Variants in PTPRK observed in about 807,000 individuals in gnomAD.
PTPRK encodes the protein receptor-type tyrosine-protein phosphatase kappa.
Under a neutral mutation model 178.0 loss-of-function variants are expected in PTPRK, and 75 were observed. That is an observed-to-expected ratio of 0.42 (90% CI 0.35 to 0.51). PTPRK has a LOEUF of 0.51. PTPRK is among the 20% of genes least tolerant of loss of function. The pLI, the probability that PTPRK is intolerant of heterozygous loss-of-function variation, is 0.02. For synonymous variants in PTPRK, 637 were observed against 620.6 expected (o/e 1.03, Z -0.39); for missense variants, 1,441 against 1,797.8 (o/e 0.80, Z 3.59).
intron 15 of PTPRK, chr6:128,003,317 T>G: frequency 8.1e-7 from 1 of 1,235,278 alleles, no homozygotes; most frequent in Non-Finnish European, 1.1e-6. Flanking sequence ...GATTTATGCT[T>G]TCTTAAGAAA....
At chr6:128,222,189 C>T (rs1344188652) in intron 5 of PTPRK, among the ~76,000 whole-genome samples, 2 of 152,218 alleles carry the variant, frequency 1.3e-5, no homozygotes, top group African/African-American at 4.8e-5. Flanking sequence ...AAACCCTTCT[C>T]TTGTGAAGAG....
At chr6:128,425,979 A>G (rs1844088593) in intron 1 of PTPRK, among the ~76,000 whole-genome samples, 1 of 152,248 alleles carries the variant, frequency 6.6e-6, no homozygotes, top group African/African-American at 2.4e-5. Flanking sequence ...AAGACTGCTC[A>G]GAATCTTTAA....
In PTPRK at chr6:128,480,954, C is replaced by T. The variant is rs77577182; in HGVS notation, c.100+39305G>A. ...TTTACCCAGTGCTATAATCCCTCTT[C>T]CTTAAGTCATTCTCTTTGTCACATT... On this transcript the variant is annotated intron_variant, in intron 1 of 29. Transcript: ENST00000368226. Among the ~76,000 whole-genome samples the T allele has an allele frequency of 3.3e-3, 501 of 152,258 alleles. 2 individuals carry two copies. The highest frequency in any genetic ancestry group is 5.7e-3 in the Non-Finnish European group (387 of 68,022).
rs572669164 is a variant in PTPRK, at chr6:128,416,417, G to A, written c.101-18729C>T. On this transcript the variant is annotated intron_variant, in intron 1 of 29. Transcript: ENST00000368226. ...AGCACTTTGGGAGGCGGAGGCAGGC[G>A]GATCACGAGGTCAGGAGATCGAGAC... 4.7e-4 allele frequency among the ~76,000 whole-genome samples: 71 copies of A among 151,688 alleles called. 3 individuals are homozygous for A. In the South Asian group the frequency reaches 0.013, roughly 28 times the overall value.
Position 128,520,470 on chromosome 6 carries a change from G to T in PTPRK, c.-112C>A. 1 of 962,864 alleles carries T rather than the reference G, an allele frequency of 1.0e-6. No homozygotes were observed. The highest frequency in any genetic ancestry group is 1.6e-6 in the Non-Finnish European group (1 of 629,480). The allele number at this position is 962,864 out of a possible 1,614,324, so 59.6% of individuals were successfully genotyped here. A position where few individuals can be genotyped will look rare whatever the true frequency, so the allele number is the denominator to read the frequency against. Reference sequence around the variant, plus strand: ...CCTCGCGGGGTGAGGACGGTGAGAGGACAGCCGCCCGCCCGCCCTTTTTCC... The same window carrying T: ...CCTCGCGGGGTGAGGACGGTGAGAGTACAGCCGCCCGCCCGCCCTTTTTCC... On this transcript the variant is annotated 5_prime_UTR_variant, in exon 1 of 30. Coordinates refer to ENST00000368226, the MANE Select transcript of PTPRK (RefSeq NM_002844.4).
intron 8 of PTPRK, 43 bp downstream of exon 8, chr6:128,089,647 G>A (rs1051993896): frequency 6.6e-6 from 10 of 1,510,460 alleles, no homozygotes; most frequent in Non-Finnish European, 9.2e-6. Context: ...CATTTTTCTT[G>A]TTAGAGAATT....
intron 1 of PTPRK, among the ~76,000 whole-genome samples, chr6:128,489,349 A>T (rs1853433399): frequency 6.6e-6 from 1 of 152,220 alleles, no homozygotes; most frequent in South Asian, 2.1e-4. Flanking sequence ...TTATTTTCAC[A>T]GTTTAGAGTA....
chr6:128,398,944 C>T (rs776732994), intron 1 of PTPRK, among the ~76,000 whole-genome samples: 2 of 152,098 alleles, frequency 1.3e-5, no homozygotes, highest in Admixed American at 6.5e-5. Context: ...CAGGCACACA[C>T]GACTCAACAT....
At chr6:127,983,498 A>G in intron 22 of PTPRK, 121 bp from the exon 23 acceptor site, 1 of 1,019,798 alleles carries the variant, frequency 9.8e-7, no homozygotes, top group Non-Finnish European at 1.4e-6. Context: ...TGCAAGGCAC[A>G]GCACTTGTCC....
chr6:128,329,557 C>T (rs746012974), intron 2 of PTPRK, among the ~76,000 whole-genome samples: 17 of 152,144 alleles, frequency 1.1e-4, no homozygotes, highest in African/African-American at 4.1e-4. Context: ...AAGTCCAAGT[C>T]TGAGTCCAAT....
chr6:128,102,313 T>A (rs1362469895), intron 7 of PTPRK, among the ~76,000 whole-genome samples: 1 of 152,190 alleles, frequency 6.6e-6, no homozygotes, highest in Non-Finnish European at 1.5e-5. Flanking sequence ...CTTATATAAC[T>A]CACTGTGTGA....
intron 5 of PTPRK, among the ~76,000 whole-genome samples, chr6:128,226,032 A>G (rs12528715): frequency 0.056 from 8,493 of 152,260 alleles, 307 homozygotes; most frequent in South Asian, 0.14. Context: ...AAGCATGAGT[A>G]TCTTTGCAAT....
At chr6:128,246,124 T>C (rs1189698625) in intron 3 of PTPRK, among the ~76,000 whole-genome samples, 1 of 152,160 alleles carries the variant, frequency 6.6e-6, no homozygotes, top group Non-Finnish European at 1.5e-5. Context: ...TATTTGCTTG[T>C]TTGTGGTTTA....
intron 7 of PTPRK, among the ~76,000 whole-genome samples, chr6:128,119,106 A>G (rs1056324523): frequency 6.6e-6 from 1 of 152,176 alleles, no homozygotes; most frequent in African/African-American, 2.4e-5. Context: ...CTATTGGCTA[A>G]ATAACATATA....
intron 5 of PTPRK, among the ~76,000 whole-genome samples, chr6:128,222,608 G>A (rs116382501): frequency 2.2e-3 from 338 of 152,248 alleles, no homozygotes; most frequent in African/African-American, 7.7e-3. Flanking sequence ...ATAACAGCCC[G>A]TGCAATTCAG....
At chr6:128,518,865 C>A in intron 1 of PTPRK, 1 of 396,110 alleles carries the variant, frequency 2.5e-6, no homozygotes, top group Non-Finnish European at 5.0e-6. Flanking sequence ...GTTTAACTCC[C>A]TTTACAGAGT....
intron 5 of PTPRK, among the ~76,000 whole-genome samples, chr6:128,227,003 G>A (rs1462721123): frequency 1.3e-5 from 2 of 151,852 alleles, no homozygotes; most frequent in African/African-American, 4.8e-5. Context: ...TCTCTTGCCA[G>A]TGGCAAAGAA....
chr6:128,179,452 C>T (rs1156380644), intron 7 of PTPRK, among the ~76,000 whole-genome samples: 1 of 151,886 alleles, frequency 6.6e-6, no homozygotes, highest in Non-Finnish European at 1.5e-5. Flanking sequence ...TTTCCTGTGG[C>T]TTTTTACCTT....
intron 1 of PTPRK, among the ~76,000 whole-genome samples, chr6:128,443,479 C>G (rs1418922141): frequency 6.6e-6 from 1 of 151,988 alleles, no homozygotes; most frequent in Non-Finnish European, 1.5e-5. Context: ...TATTATAATC[C>G]AAAGGTACAA....
Sources: gnomAD v4.1 joint callset for allele counts (sites outside exome capture counted in the v4.1 genomes callset) on GRCh38, gnomAD v4.1.1 for gene constraint, MANE v1.5 for transcripts, NCBI Gene and HGNC (gene_info 2026-07-23, HGNC 2026-07-21) for gene names.